The following MAP3K20 variants were observed in gnomAD, a reference collection of about 807,000 sequenced individuals.
MAP3K20 encodes the protein HCCS-4.
In MAP3K20, 40 loss-of-function variants were observed where a neutral mutation model predicts 85.7. The ratio of observed to expected loss-of-function variants is 0.47; its 90% confidence interval spans 0.36 to 0.61. The LOEUF is 0.61. MAP3K20 is among the 20% of genes least tolerant of loss of function. The pLI is 0.00. For missense variants in MAP3K20, 817 were observed against 961.7 expected, an observed-to-expected ratio of 0.85 and a Z score of 1.99; for synonymous variants, 325 against 327.7, an observed-to-expected ratio of 0.99 and a Z score of 0.09.
At position 173,198,697 on chromosome 2, in the gene MAP3K20, G is replaced by C. The variant is rs1044913996; in HGVS notation, c.669+585G>C. ...TGGCGAGGCAGTGGCATAACTGTTC[G>C]CTTCTTCATGCAGAGCCTTTCCATT... is the stretch of plus-strand genomic sequence containing the variant. On this transcript the variant is annotated intron_variant, in intron 8 of 19. Coordinates refer to ENST00000375213, the MANE Select transcript of MAP3K20 (RefSeq NM_016653.3). The surrounding 1 kb of genome is among the most constrained non-coding windows in gnomAD (Gnocchi z 5.8). 1.3e-5 allele frequency: 2 copies of C among 152,642 alleles called. No homozygotes were observed. Among genetic ancestry groups the C allele is most frequent in the South Asian group, 2.1e-4 (1 of 4,824 alleles). 9.5% of individuals were successfully genotyped at this position (152,642 alleles called of 1,614,324 possible).
chr2:173,262,556 C>T (rs1164467496), intron 18 of MAP3K20, among the ~76,000 whole-genome samples: 8 of 151,602 alleles, frequency 5.3e-5, no homozygotes, highest in South Asian at 4.2e-4. Flanking sequence ...GCTGAGATTG[C>T]GCCATTGCAC....
At chr2:173,149,941 A>C (rs996124096) in intron 2 of MAP3K20, among the ~76,000 whole-genome samples, 2 of 152,252 alleles carry the variant, frequency 1.3e-5, no homozygotes, top group Non-Finnish European at 2.9e-5. Flanking sequence ...AACTGTTGAA[A>C]TCTCATTTAG....
chr2:173,229,268 C>T (rs531436942), intron 11 of MAP3K20, among the ~76,000 whole-genome samples: 1 of 152,284 alleles, frequency 6.6e-6, no homozygotes, highest in South Asian at 2.1e-4. Flanking sequence ...AGAAATTCCC[C>T]CTTGAGAACA....
Position 173,198,703 on chromosome 2 carries a change from T to G in MAP3K20, c.669+591T>G, listed in dbSNP as rs1371694341. 1 of 152,666 alleles carries G rather than the reference T, an allele frequency of 6.6e-6. No homozygotes were observed. The allele number at this position is 152,666 out of a possible 1,614,324, so 9.5% of individuals were successfully genotyped here. On this transcript the variant is annotated intron_variant, in intron 8 of 19. Coordinates refer to ENST00000375213, the MANE Select transcript of MAP3K20 (RefSeq NM_016653.3). This position sits in a 1 kb window ranked among gnomAD's most constrained non-coding sequence, Gnocchi z 5.8. The stretch of plus-strand genomic sequence containing the variant: ...GGCAGTGGCATAACTGTTCGCTTCT[T>G]CATGCAGAGCCTTTCCATTTCAAAA...
chr2:173,244,552 G>C (rs953895580), intron 16 of MAP3K20, among the ~76,000 whole-genome samples: 4 of 152,190 alleles, frequency 2.6e-5, no homozygotes, highest in African/African-American at 7.2e-5. Context: ...GGCAAGGACA[G>C]AGCTAAGACC....
chr2:173,168,562 C>T (rs189184270), intron 2 of MAP3K20, among the ~76,000 whole-genome samples: 1 of 152,280 alleles, frequency 6.6e-6, no homozygotes, highest in African/African-American at 2.4e-5. Flanking sequence ...TGTACACATT[C>T]CCAAAGGGGA....
intron 9 of MAP3K20, among the ~76,000 whole-genome samples, chr2:173,204,727 G>A (rs1300062210): frequency 6.6e-6 from 1 of 152,204 alleles, no homozygotes; most frequent in Non-Finnish European, 1.5e-5. Context: ...GATAATTTTT[G>A]AAGCTGAGTG....
At chr2:173,256,245 C>T (rs895955133) in intron 16 of MAP3K20, among the ~76,000 whole-genome samples, 1 of 152,198 alleles carries the variant, frequency 6.6e-6, no homozygotes, top group African/African-American at 2.4e-5. Flanking sequence ...CTCTAGGAAA[C>T]ATTCCAGGTC....
At chr2:173,187,964 G>A (rs1180042106) in intron 5 of MAP3K20, among the ~76,000 whole-genome samples, 1 of 152,172 alleles carries the variant, frequency 6.6e-6, no homozygotes, top group African/African-American at 2.4e-5. Flanking sequence ...ATACTGCTGT[G>A]TCAAAGTATG....
At chr2:173,251,312 CTT>C (rs973615797) in intron 16 of MAP3K20, among the ~76,000 whole-genome samples, 1 of 152,054 alleles carries the variant, frequency 6.6e-6, no homozygotes, top group Non-Finnish European at 1.5e-5. Context: ...GTTGATTTTA[CTT>C]TTTCTCCATT....
intron 2 of MAP3K20, among the ~76,000 whole-genome samples, chr2:173,115,106 T>C (rs1359038538): frequency 6.6e-6 from 1 of 152,216 alleles, no homozygotes; most frequent in Non-Finnish European, 1.5e-5. Flanking sequence ...CATATTTTCT[T>C]ATTCTTTTTT....
intron 11 of MAP3K20, chr2:173,226,007 T>G (rs1392659110): frequency 2.0e-6 from 2 of 985,376 alleles, no homozygotes; most frequent in Non-Finnish European, 2.4e-6. Flanking sequence ...AAAATTACAT[T>G]TTACTATTTT....
intron 18 of MAP3K20, among the ~76,000 whole-genome samples, chr2:173,261,938 G>C (rs529260175): frequency 6.6e-6 from 1 of 151,634 alleles, no homozygotes; most frequent in Non-Finnish European, 1.5e-5. Flanking sequence ...GATTGCTTGA[G>C]CCCAGGAGGT....
At chr2:173,141,754 C>T (rs1688979280) in intron 2 of MAP3K20, among the ~76,000 whole-genome samples, 1 of 151,848 alleles carries the variant, frequency 6.6e-6, no homozygotes, top group African/African-American at 2.4e-5. Context: ...AAATGAAAAC[C>T]AGAAACACCA....
At chr2:173,232,261 A>C (rs1166294433) in intron 13 of MAP3K20, 39 bp downstream of exon 13, 1 of 1,614,034 alleles carries the variant, frequency 6.2e-7, no homozygotes, top group Admixed American at 1.7e-5. Context: ...CATGGAGTTA[A>C]CTTTGTTTTG....
chr2:173,223,509 T>A (rs2106323363), intron 11 of MAP3K20: 1 of 985,412 alleles, frequency 1.0e-6, no homozygotes, highest in East Asian at 1.1e-4. Flanking sequence ...TCTGGAAAGC[T>A]ATCAGTTTCA....
intron 3 of MAP3K20, among the ~76,000 whole-genome samples, chr2:173,173,156 G>C (rs1448122999): frequency 4.3e-4 from 13 of 30,308 alleles, no homozygotes; most frequent in African/African-American, 1.7e-3. Flanking sequence ...TTTTATTTCT[G>C]TGTGTGTGTG....
rs370376634 is a variant in MAP3K20 at position 173,229,255 on chromosome 2, C to T, written c.988-434C>T. Among the ~76,000 whole-genome samples the T allele has an allele frequency of 4.6e-5, 7 of 152,344 alleles. No individual in the cohort carries two copies. The East Asian group carries it at 1.2e-3, about 25-fold the overall frequency. On this transcript the variant is annotated intron_variant, in intron 11 of 19. Coordinates refer to ENST00000375213, the MANE Select transcript of MAP3K20 (RefSeq NM_016653.3). ...ATTGTGCAAATGAGATCTTTCAACA[C>T]TTAGAAATTCCCCCTTGAGAACAGG... is the stretch of plus-strand genomic sequence containing the variant.
intron 11 of MAP3K20, chr2:173,227,023 A>G (rs1684408857): frequency 1.0e-6 from 1 of 985,774 alleles, no homozygotes; most frequent in Non-Finnish European, 1.2e-6. Flanking sequence ...TTGATATTCC[A>G]GCACAAAGTC....
Sources: allele counts gnomAD v4.1 joint callset (sites outside exome capture counted in the v4.1 genomes callset), GRCh38; gene constraint gnomAD v4.1.1; non-coding constraint Gnocchi (gnomAD v3.1); transcripts MANE v1.5; gene names NCBI Gene and HGNC (gene_info 2026-07-23, HGNC 2026-07-21).